YPEL1: variants seen among roughly 807,000 people sequenced by gnomAD.
YPEL1 encodes the protein protein yippee-like 1.
A neutral mutation model predicts 17.3 loss-of-function variants in YPEL1; 7 were observed. That is an observed-to-expected ratio of 0.40 (90% confidence interval 0.23 to 0.76). YPEL1 has a LOEUF of 0.76. Among genes scored for constraint, YPEL1 ranks in the 30% least tolerant of loss-of-function variants. The pLI, the probability that YPEL1 is intolerant of heterozygous loss-of-function variation, is 0.35. For synonymous variants in YPEL1, 59 were observed against 59.6 expected (o/e 0.99, Z 0.05); for missense variants, 91 against 155.5 (o/e 0.59, Z 2.21).
In YPEL1 at chr22:21,700,488, T is replaced by TG. The variant is rs1368361591; in HGVS notation, c.*640_*641insC. The stretch of plus-strand genomic sequence containing the variant: ...CACCATACCCAGCTTTTTTTTTTTT[T>TG]TTTGAGACGATGTCTCACTTTTGTC... On this transcript the variant is annotated 3_prime_UTR_variant, in exon 5 of 5. Coordinates refer to ENST00000339468, the MANE Select transcript of YPEL1 (RefSeq NM_013313.5). The TG allele has an allele frequency of 6.6e-6, 1 of 151,532 alleles. No individual in the cohort carries two copies. The highest frequency in any genetic ancestry group is 6.6e-5 in the Admixed American group (1 of 15,204). 9.4% of individuals were successfully genotyped at this position (151,532 alleles called of 1,614,324 possible).
intron 1 of YPEL1, among the ~76,000 whole-genome samples, chr22:21,730,738 A>C (rs144501831): frequency 6.6e-6 from 1 of 152,290 alleles, no homozygotes; most frequent in East Asian, 1.9e-4. Flanking sequence ...AATGGGACTC[A>C]CTGACAGCAT....
intron 1 of YPEL1, among the ~76,000 whole-genome samples, chr22:21,721,127 T>G (rs950705910): frequency 8.3e-5 from 12 of 143,980 alleles, no homozygotes; most frequent in South Asian, 2.3e-4. Context: ...TTGGGTTTTT[T>G]GGGGGGGGGA....
At chr22:21,704,884 G>C (rs898410350) in intron 2 of YPEL1, among the ~76,000 whole-genome samples, 1 of 152,142 alleles carries the variant, frequency 6.6e-6, no homozygotes, top group Admixed American at 6.6e-5. Context: ...GGGACAGGTG[G>C]GAACGCCTGC....
intron 1 of YPEL1, among the ~76,000 whole-genome samples, chr22:21,727,377 G>A (rs1191847235): frequency 6.6e-6 from 1 of 152,146 alleles, no homozygotes. Context: ...AAGATCTATT[G>A]GCAAATAAGG....
chr22:21,708,092 T>G (rs992102310), intron 2 of YPEL1, among the ~76,000 whole-genome samples: 6 of 151,668 alleles, frequency 4.0e-5, no homozygotes, highest in African/African-American at 1.5e-4. Context: ...AGGTACTGGA[T>G]TCTGTTCTGC....
chr22:21,715,705 C>G (rs970428421), intron 1 of YPEL1, among the ~76,000 whole-genome samples: 35 of 114,772 alleles, frequency 3.0e-4, no homozygotes, highest in Admixed American at 8.6e-4. Context: ...CCTCAGCCTC[C>G]TGAGTAGCTG....
chr22:21,717,963 C>CA (rs34399226), intron 1 of YPEL1, among the ~76,000 whole-genome samples: 52,884 of 150,722 alleles, frequency 0.35, 11,119 homozygotes, highest in Non-Finnish European at 0.45. Context: ...TGTCTCTACG[C>CA]AAAAAAAGTG....
At chr22:21,705,492 C>T (rs1362731085) in intron 2 of YPEL1, among the ~76,000 whole-genome samples, 1 of 152,182 alleles carries the variant, frequency 6.6e-6, no homozygotes, top group Non-Finnish European at 1.5e-5. Flanking sequence ...AGGCATGAAC[C>T]ACCATGCCCA....
chr22:21,714,886 CTT>C (rs1278962053), intron 1 of YPEL1, among the ~76,000 whole-genome samples: 1 of 152,178 alleles, frequency 6.6e-6, no homozygotes, highest in Non-Finnish European at 1.5e-5. Context: ...CTTTTCAAAT[CTT>C]TGTCACATTT....
At chr22:21,710,541 T>G in intron 2 of YPEL1, 87 bp downstream of exon 2, 1 of 1,151,068 alleles carries the variant, frequency 8.7e-7, no homozygotes. Flanking sequence ...CAGGAAGTCA[T>G]GTGATGCTTA....
At chr22:21,722,276 T>C (rs1053926372) in intron 1 of YPEL1, among the ~76,000 whole-genome samples, 2 of 152,034 alleles carry the variant, frequency 1.3e-5, no homozygotes, top group African/African-American at 4.8e-5. Flanking sequence ...ATTAGCCAGA[T>C]GTGGTGGCAC....
chr22:21,701,303 T>C, intron 4 of YPEL1, 85 bp from the exon 5 acceptor site: 3 of 992,184 alleles, frequency 3.0e-6, no homozygotes, highest in Non-Finnish European at 4.6e-6. Flanking sequence ...CCCCCCCAAG[T>C]CTATACTATG....
intron 1 of YPEL1, among the ~76,000 whole-genome samples, chr22:21,713,978 G>A (rs1028899991): frequency 6.6e-6 from 1 of 152,134 alleles, no homozygotes; most frequent in Non-Finnish European, 1.5e-5. Context: ...GAGAGCACGG[G>A]GCTGGGAAGA....
At chr22:21,726,153 C>T (rs1281718618) in intron 1 of YPEL1, among the ~76,000 whole-genome samples, 1 of 152,188 alleles carries the variant, frequency 6.6e-6, no homozygotes, top group Non-Finnish European at 1.5e-5. Flanking sequence ...CCACATGTCC[C>T]CAGGGTCTAG....
intron 1 of YPEL1, chr22:21,723,008 T>A (rs2068298878): frequency 6.6e-6 from 1 of 151,838 alleles, no homozygotes; most frequent in Admixed American, 6.6e-5. Context: ...TGTTCACCCC[T>A]CTTTAGGCAA....
At chr22:21,720,613 C>G (rs909329621) in intron 1 of YPEL1, among the ~76,000 whole-genome samples, 1 of 152,092 alleles carries the variant, frequency 6.6e-6, no homozygotes, top group Non-Finnish European at 1.5e-5. Context: ...GCCTCAGCCT[C>G]CTGAGTAGCT....
At chr22:21,718,783 T>TACACACAC (rs10664985) in intron 1 of YPEL1, among the ~76,000 whole-genome samples, 2 of 150,064 alleles carry the variant, frequency 1.3e-5, no homozygotes, top group Admixed American at 6.6e-5. Context: ...CACGTGTAAA[T>TACACACAC]ACACACACAC....
chr22:21,712,446 G>A (rs2068177763), intron 1 of YPEL1, among the ~76,000 whole-genome samples: 1 of 151,022 alleles, frequency 6.6e-6, no homozygotes, highest in Non-Finnish European at 1.5e-5. Context: ...CCGGGTATGG[G>A]CCCGGCGTGG....
intron 1 of YPEL1, among the ~76,000 whole-genome samples, chr22:21,719,921 A>G (rs1279836874): frequency 6.6e-6 from 1 of 151,446 alleles, no homozygotes; most frequent in African/African-American, 2.4e-5. Flanking sequence ...CTGAGGTGGG[A>G]GAATCGTTTG....
Sources: gnomAD v4.1 joint callset for allele counts (sites outside exome capture counted in the v4.1 genomes callset) on GRCh38, gnomAD v4.1.1 for gene constraint, MANE v1.5 for transcripts, NCBI Gene and HGNC (gene_info 2026-07-23, HGNC 2026-07-21) for gene names.